The following FSTL4 variants were observed in gnomAD, a reference collection of about 807,000 sequenced individuals.
The protein encoded by FSTL4 is follistatin like 4.
FSTL4 carries 28 observed loss-of-function variants against 78.2 expected under a neutral mutation model. The observed-to-expected ratio is 0.36, with a 90% CI of 0.27 to 0.49. FSTL4 has a LOEUF of 0.49. Among genes scored for constraint, FSTL4 ranks in the 20% least tolerant of loss-of-function variants. FSTL4 has a pLI of 0.98. For synonymous variants in FSTL4, 422 were observed against 440.5 expected, an observed-to-expected ratio of 0.96 and a Z score of 0.53; for missense variants, 922 against 1,084.9, an observed-to-expected ratio of 0.85 and a Z score of 2.11.
the FSTL4 span, among the ~76,000 whole-genome samples, chr5:133,783,503 G>A: frequency 2.0e-5 from 3 of 152,080 alleles, no homozygotes; most frequent in Non-Finnish European, 2.9e-5. Context: ...ACAAACACAC[G>A]GCCTCACATG....
the FSTL4 span, among the ~76,000 whole-genome samples, chr5:133,697,009 C>T: frequency 3.3e-5 from 5 of 152,218 alleles, no homozygotes; most frequent in African/African-American, 9.6e-5. Context: ...GCTACCTCAG[C>T]CGCAGTGCCC....
chr5:133,386,993 T>C (rs564722839), intron 4 of FSTL4, among the ~76,000 whole-genome samples: 1 of 152,354 alleles, frequency 6.6e-6, no homozygotes, highest in South Asian at 2.1e-4. Flanking sequence ...TTCTCCTCAT[T>C]TCCCTTTAGG....
At chr5:133,628,809 G>T in the FSTL4 span, among the ~76,000 whole-genome samples, 1 of 152,070 alleles carries the variant, frequency 6.6e-6, no homozygotes, top group South Asian at 2.1e-4. Flanking sequence ...GAATTCTTGT[G>T]ATTTTTGCAC....
At chr5:133,526,959 G>A (rs112420707) in intron 3 of FSTL4, among the ~76,000 whole-genome samples, 12 of 152,180 alleles carry the variant, frequency 7.9e-5, no homozygotes, top group African/African-American at 2.4e-4. Flanking sequence ...CCAACAGAGC[G>A]GCAACTGGCA....
chr5:133,424,573 C>T (rs781510839), intron 3 of FSTL4, among the ~76,000 whole-genome samples: 10 of 152,188 alleles, frequency 6.6e-5, no homozygotes, highest in Admixed American at 2.0e-4. Flanking sequence ...TGTCCCACGG[C>T]GTCTCCAGGT....
chr5:133,646,253 C>G, the FSTL4 span, among the ~76,000 whole-genome samples: 1 of 152,028 alleles, frequency 6.6e-6, no homozygotes, highest in Admixed American at 6.5e-5. Flanking sequence ...AGAGAACCAG[C>G]CATAGAAATC....
chr5:133,842,048 TC>T, the FSTL4 span, among the ~76,000 whole-genome samples: 1 of 152,282 alleles, frequency 6.6e-6, no homozygotes. Flanking sequence ...CTTCCTTCCC[TC>T]CTCTAAAACG....
intron 3 of FSTL4, among the ~76,000 whole-genome samples, chr5:133,546,713 T>C (rs1376608491): frequency 6.6e-6 from 1 of 151,986 alleles, no homozygotes; most frequent in Non-Finnish European, 1.5e-5. Flanking sequence ...AGCAGAATGG[T>C]TTCAGGAAAT....
At position 133,491,487 on chromosome 5, in the gene FSTL4, C is replaced by G. The variant is rs545344965; in HGVS notation, c.160+75699G>C. Among the ~76,000 whole-genome samples, 10 of 151,922 alleles carry G rather than the reference C, an allele frequency of 6.6e-5. No homozygotes were observed. The South Asian group carries it at 2.1e-3, about 32-fold the overall frequency. ...CTATCTCGGCTCACTGCAAGCTCCA[C>G]CTCCCAGGTTCATGCCATTCTCCTG... On this transcript the variant is annotated intron_variant, in intron 3 of 15. Transcript: ENST00000265342.
At chr5:133,489,445 T>C (rs1413520074) in intron 3 of FSTL4, among the ~76,000 whole-genome samples, 2 of 152,222 alleles carry the variant, frequency 1.3e-5, no homozygotes, top group African/African-American at 4.8e-5. Flanking sequence ...CTGTCACATG[T>C]CTATCCCAGG....
At chr5:133,211,018 T>G (rs1750693957) in intron 13 of FSTL4, 1 of 152,306 alleles carries the variant, frequency 6.6e-6, no homozygotes, top group Non-Finnish European at 1.5e-5. Flanking sequence ...CTAGGTCATC[T>G]GAGGTGGACT....
intron 3 of FSTL4, among the ~76,000 whole-genome samples, chr5:133,466,812 GA>G (rs1408003053): frequency 6.6e-6 from 1 of 152,220 alleles, no homozygotes; most frequent in East Asian, 1.9e-4. Context: ...GCACGCTGGG[GA>G]AGGCTTCACA....
the FSTL4 span, among the ~76,000 whole-genome samples, chr5:133,715,670 T>TG: frequency 6.6e-6 from 1 of 152,194 alleles, no homozygotes; most frequent in East Asian, 1.9e-4. Flanking sequence ...CCCACAGGAC[T>TG]CTTTATTTTT....
At chr5:133,836,568 T>C in the FSTL4 span, among the ~76,000 whole-genome samples, 6 of 152,320 alleles carry the variant, frequency 3.9e-5, no homozygotes, top group Non-Finnish European at 8.8e-5. Context: ...TTATACTTTT[T>C]GTTGCTCTTC....
chr5:133,373,002 A>G (rs141153636), intron 4 of FSTL4, among the ~76,000 whole-genome samples: 119 of 152,222 alleles, frequency 7.8e-4, no homozygotes, highest in African/African-American at 2.8e-3. Context: ...TAAATCCCCA[A>G]CGTGAAGGTA....
chr5:133,643,442 C>T, the FSTL4 span, among the ~76,000 whole-genome samples: 1 of 152,058 alleles, frequency 6.6e-6, no homozygotes, highest in Admixed American at 6.6e-5. Flanking sequence ...AGGGATGGGC[C>T]TCAGACCCTA....
At chr5:133,754,187 C>T in the FSTL4 span, among the ~76,000 whole-genome samples, 1 of 152,150 alleles carries the variant, frequency 6.6e-6, no homozygotes, top group African/African-American at 2.4e-5. Flanking sequence ...CAAACCGGAA[C>T]CACCTCAGGG....
At position 133,297,352 on chromosome 5, in the gene FSTL4, T is replaced by TCC. The variant is rs537182109; in HGVS notation, c.727+15300_727+15301dup. Among the ~76,000 whole-genome samples, 21 of 152,068 alleles carry TCC rather than the reference T, an allele frequency of 1.4e-4. No individual in the cohort carries two copies. The South Asian group carries it at 4.2e-3, about 30-fold the overall frequency. Reference sequence around the variant, plus strand: ...GGGTTCCAGGGGCAGAGGAGGGTGCTCCCACCTGTCCTCAAGCCAAGGCTC... The same window carrying TCC: ...GGGTTCCAGGGGCAGAGGAGGGTGCTCCCCCACCTGTCCTCAAGCCAAGGCTC... On this transcript the variant is annotated intron_variant, in intron 6 of 15. Transcript: ENST00000265342.
At chr5:133,675,344 T>C in the FSTL4 span, among the ~76,000 whole-genome samples, 35 of 152,356 alleles carry the variant, frequency 2.3e-4, no homozygotes, top group African/African-American at 8.4e-4. Context: ...TGCCAATATC[T>C]CCAAATCGCA....
Sources: allele counts gnomAD v4.1 joint callset (sites outside exome capture counted in the v4.1 genomes callset), GRCh38; gene constraint gnomAD v4.1.1; transcripts MANE v1.5; gene names NCBI Gene and HGNC (gene_info 2026-07-23, HGNC 2026-07-21).